TAF3: variants seen among roughly 807,000 people sequenced by gnomAD.
TAF3 encodes TATA-box binding protein associated factor 3.
TAF3 carries 7 observed loss-of-function variants against 80.6 expected under a neutral mutation model. That is an observed-to-expected ratio of 0.09 (90% CI 0.05 to 0.16). The LOEUF (loss-of-function observed/expected upper bound fraction) is 0.16. TAF3 is among the 10% of genes least tolerant of loss of function. The pLI is 1.00. For synonymous variants in TAF3, 444 were observed against 446.1 expected, an observed-to-expected ratio of 1.00 and a Z score of 0.06; for missense variants, 921 against 1,140.2, an observed-to-expected ratio of 0.81 and a Z score of 2.77.
chr10:8,005,159 AT>A (rs1014087965), intron 4 of TAF3, among the ~76,000 whole-genome samples: 3 of 151,890 alleles, frequency 2.0e-5, no homozygotes, highest in African/African-American at 7.3e-5. Flanking sequence ...GCCTTTTATT[AT>A]TTTTTTAACA....
At chr10:7,917,619 G>T (rs76320974) in intron 2 of TAF3, among the ~76,000 whole-genome samples, 2,713 of 152,252 alleles carry the variant, frequency 0.018, 79 homozygotes, top group African/African-American at 0.06. Context: ...AGTGCGCTTG[G>T]CCTGCTCTCT....
chr10:7,989,559 A>G (rs568505050), intron 4 of TAF3, among the ~76,000 whole-genome samples: 10 of 152,334 alleles, frequency 6.6e-5, no homozygotes, highest in East Asian at 5.8e-4. Flanking sequence ...GTCAAATGTA[A>G]TATTGTTTTT....
Position 8,009,235 on chromosome 10 carries a change from C to T in TAF3, c.2473C>T (p.Pro825Ser), listed in dbSNP as rs1156272132. ...GCTGCTCGCCCAGGCCGCCGCGGGC[C>T]CTGCCCTGCTGCCCTCCCCGGGTCC... is the stretch of plus-strand genomic sequence containing the variant. ...LPLLAQAAAG[P>S]ALLPSPGPAA... The change falls in exon 5 of 7, where the codon CCT becomes TCT. Residue 825 changes from proline (P) to serine (S), a missense_variant. By Grantham distance (74) the Pro-to-Ser change is moderately conservative. This residue lies in a region of TAF3 where 743 missense variants were observed against 821.0 expected (regional missense o/e 0.90). Transcript: ENST00000344293. The surrounding 1 kb of genome is among the most constrained non-coding windows in gnomAD (Gnocchi z 4.1). 2.7e-6 allele frequency: 4 copies of T among 1,494,986 alleles called. No homozygotes were observed. Among genetic ancestry groups the T allele is most frequent in the Non-Finnish European group, 3.6e-6 (4 of 1,123,402 alleles). The allele number at this position is 1,494,986 out of a possible 1,614,324, so 92.6% of individuals were successfully genotyped here.
chr10:7,950,148 A>G (rs550404502), intron 2 of TAF3, among the ~76,000 whole-genome samples: 3 of 152,356 alleles, frequency 2.0e-5, no homozygotes, highest in South Asian at 4.1e-4. Context: ...GAAACAGACA[A>G]GAAATGCATG....
intron 2 of TAF3, among the ~76,000 whole-genome samples, chr10:7,859,523 C>T (rs986532089): frequency 2.0e-5 from 3 of 152,082 alleles, no homozygotes; most frequent in Admixed American, 2.0e-4. Flanking sequence ...ATAGGGCTGT[C>T]CACTGGGCAC....
intron 2 of TAF3, among the ~76,000 whole-genome samples, chr10:7,933,198 A>G (rs1837885553): frequency 6.6e-6 from 1 of 152,256 alleles, no homozygotes; most frequent in South Asian, 2.1e-4. Flanking sequence ...ACATGTACAT[A>G]GAAATTCACT....
intron 4 of TAF3, among the ~76,000 whole-genome samples, chr10:7,983,527 A>T (rs1409556225): frequency 1.3e-5 from 2 of 152,174 alleles, no homozygotes; most frequent in Non-Finnish European, 2.9e-5. Context: ...TTCTGTTTTT[A>T]ATATTTTCTT....
chr10:7,925,658 A>G (rs1432970443), intron 2 of TAF3, among the ~76,000 whole-genome samples: 2 of 151,856 alleles, frequency 1.3e-5, no homozygotes, highest in Non-Finnish European at 2.9e-5. Context: ...ACAAAAAATT[A>G]GGCATGATGG....
intron 2 of TAF3, among the ~76,000 whole-genome samples, chr10:7,903,266 C>CA (rs1767679624): frequency 6.6e-6 from 1 of 152,150 alleles, no homozygotes; most frequent in Admixed American, 6.5e-5. Flanking sequence ...TGCTGCTGCT[C>CA]AAATTGTCCC....
chr10:7,922,440 G>T lies in TAF3; in HGVS notation c.410-41480G>T, dbSNP rs529036181. ...CCTCTCTTTTCTGTAAAACATAGATGATTATCAAGTGATATTCCAAATAGC... is the reference window on the plus strand; with the variant it reads ...CCTCTCTTTTCTGTAAAACATAGATTATTATCAAGTGATATTCCAAATAGC... On this transcript the variant is annotated intron_variant, in intron 2 of 6. Coordinates refer to ENST00000344293, the MANE Select transcript of TAF3 (RefSeq NM_031923.4). 8.5e-5 allele frequency among the ~76,000 whole-genome samples: 13 copies of T among 152,090 alleles called. 1 individual carries two copies. Among genetic ancestry groups the T allele is most frequent in the African/African-American group, 2.9e-4 (12 of 41,534 alleles).
intron 2 of TAF3, among the ~76,000 whole-genome samples, chr10:7,956,104 A>G (rs1838132812): frequency 6.6e-6 from 1 of 152,210 alleles, no homozygotes; most frequent in Non-Finnish European, 1.5e-5. Context: ...TATAATACAT[A>G]TGTTAATTAG....
intron 2 of TAF3, among the ~76,000 whole-genome samples, chr10:7,883,436 G>A (rs891785498): frequency 6.6e-6 from 1 of 152,158 alleles, no homozygotes; most frequent in Non-Finnish European, 1.5e-5. Context: ...CTGATTTGAT[G>A]GTAATTTTAT....
At chr10:7,880,517 T>C (rs1056492760) in intron 2 of TAF3, among the ~76,000 whole-genome samples, 1 of 152,164 alleles carries the variant, frequency 6.6e-6, no homozygotes, top group African/African-American at 2.4e-5. Context: ...CACAGTTAAG[T>C]AACAGAAACC....
intron 5 of TAF3, among the ~76,000 whole-genome samples, chr10:8,010,435 ATTCAC>A (rs1333424885): frequency 6.6e-6 from 1 of 152,226 alleles, no homozygotes; most frequent in Non-Finnish European, 1.5e-5. Context: ...CAATTCAGTT[ATTCAC>A]TTAAGAGTAT....
chr10:8,007,918 C>T (rs1372294240), intron 4 of TAF3, among the ~76,000 whole-genome samples: 1 of 151,864 alleles, frequency 6.6e-6, no homozygotes, highest in Non-Finnish European at 1.5e-5. Flanking sequence ...ACTCAGATGT[C>T]CTGGCCCCAA....
chr10:8,009,363 A>G lies in TAF3; in HGVS notation c.2568+33A>G, dbSNP rs1207439608. The G allele has an allele frequency of 6.4e-6, 10 of 1,574,048 alleles. No individual in the cohort carries two copies. Among genetic ancestry groups the G allele is most frequent in the Non-Finnish European group, 6.9e-6 (8 of 1,158,936 alleles). On this transcript the variant is annotated intron_variant, in intron 5 of 6. Coordinates refer to ENST00000344293, the MANE Select transcript of TAF3 (RefSeq NM_031923.4). This position sits in a 1 kb window ranked among gnomAD's most constrained non-coding sequence, Gnocchi z 4.1. ...CCTGCCGCCCGCGCGGTTAGCATGG[A>G]GACGTTTTCAGATCGAGACAAGTGT...
At chr10:7,997,831 C>T (rs112423092) in intron 4 of TAF3, among the ~76,000 whole-genome samples, 1,655 of 152,000 alleles carry the variant, frequency 0.011, 20 homozygotes, top group South Asian at 0.031. Context: ...AGCAAAGCAC[C>T]GTCTAGAAGT....
At chr10:7,956,411 C>T (rs543344086) in intron 2 of TAF3, among the ~76,000 whole-genome samples, 7 of 152,218 alleles carry the variant, frequency 4.6e-5, no homozygotes, top group African/African-American at 1.2e-4. Flanking sequence ...CGCTTGACCC[C>T]GGGAGGTGGA....
chr10:7,988,950 G>T (rs942770766), intron 4 of TAF3, among the ~76,000 whole-genome samples: 1 of 151,764 alleles, frequency 6.6e-6, no homozygotes, highest in African/African-American at 2.4e-5. Flanking sequence ...AATTTTTTCT[G>T]TAAAAAAAAT....
Sources: allele counts gnomAD v4.1 joint callset (sites outside exome capture counted in the v4.1 genomes callset), GRCh38; gene constraint gnomAD v4.1.1; regional missense constraint gnomAD v4.1.1; non-coding constraint Gnocchi (gnomAD v3.1); transcripts MANE v1.5; gene names NCBI Gene and HGNC (gene_info 2026-07-23, HGNC 2026-07-21).